MYO10: variants seen among roughly 807,000 people sequenced by gnomAD.
The protein encoded by MYO10 is unconventional myosin-X.
Under a neutral mutation model 257.3 loss-of-function variants are expected in MYO10, and 133 were observed. The observed-to-expected ratio is 0.52, with a 90% CI of 0.45 to 0.60. The LOEUF (loss-of-function observed/expected upper bound fraction) is 0.60, where lower values mean the gene tolerates loss of function less well. MYO10 is among the 20% of genes least tolerant of loss of function. MYO10 has a pLI of 0.00. For missense variants in MYO10, 2,399 were observed against 2,635.7 expected (o/e 0.91, Z 1.97); for synonymous variants, 1,104 against 1,028.6 (o/e 1.07, Z -1.40).
intron 1 of MYO10, among the ~76,000 whole-genome samples, chr5:16,935,415 C>A (rs1746407214): frequency 6.6e-6 from 1 of 152,128 alleles, no homozygotes; most frequent in Non-Finnish European, 1.5e-5. Flanking sequence ...AAGGCAGGTC[C>A]CCGCTGAACA....
At chr5:16,708,075 C>T (rs538284257) in intron 21 of MYO10, among the ~76,000 whole-genome samples, 3 of 152,212 alleles carry the variant, frequency 2.0e-5, no homozygotes, top group Non-Finnish European at 4.4e-5. Flanking sequence ...AAGATCAAAG[C>T]TATCAAGAAG....
intron 2 of MYO10, among the ~76,000 whole-genome samples, chr5:16,841,862 G>A (rs1353756002): frequency 1.3e-5 from 2 of 152,072 alleles, no homozygotes; most frequent in Non-Finnish European, 1.5e-5. Context: ...TGGAGGGCTC[G>A]AGGGCTTGGA....
intron 19 of MYO10, among the ~76,000 whole-genome samples, chr5:16,748,048 C>A (rs6873084): frequency 0.17 from 26,037 of 150,984 alleles, 2,903 homozygotes; most frequent in African/African-American, 0.31. Context: ...CATTATCATC[C>A]GAACTTTTTA....
chr5:16,699,988 T>C (rs1208611852), intron 25 of MYO10, among the ~76,000 whole-genome samples: 4 of 152,180 alleles, frequency 2.6e-5, no homozygotes, highest in Admixed American at 2.6e-4. Flanking sequence ...CAATGCTTTT[T>C]AAGGCTATAA....
intron 35 of MYO10, among the ~76,000 whole-genome samples, chr5:16,674,490 A>G (rs551409467): frequency 6.6e-6 from 1 of 151,768 alleles, no homozygotes; most frequent in South Asian, 2.1e-4. Flanking sequence ...AAGAAAAGAC[A>G]CTTCTTTTTC....
At chr5:16,685,061 G>C (rs904579249) in intron 29 of MYO10, among the ~76,000 whole-genome samples, 10 of 151,858 alleles carry the variant, frequency 6.6e-5, no homozygotes, top group Admixed American at 1.3e-4. Context: ...AAAAAAATAA[G>C]AATACAATTT....
chr5:16,877,562 A>ACAAAG (rs1236220308), intron 2 of MYO10, 47 bp downstream of exon 2: 3 of 1,496,724 alleles, frequency 2.0e-6, no homozygotes, highest in Non-Finnish European at 2.8e-6. Context: ...ACGAATAGCT[A>ACAAAG]CAAAGCAGAC....
At chr5:16,796,481 A>AG (rs1741975470) in intron 3 of MYO10, among the ~76,000 whole-genome samples, 1 of 96,062 alleles carries the variant, frequency 1.0e-5, no homozygotes, top group South Asian at 3.2e-4. Flanking sequence ...AAGAAAAGAA[A>AG]AGAAAGAAAG....
chr5:16,867,001 C>T (rs180795499), intron 2 of MYO10, among the ~76,000 whole-genome samples: 105 of 152,356 alleles, frequency 6.9e-4, no homozygotes, highest in African/African-American at 2.5e-3. Context: ...CTCCCTCGGG[C>T]TCCACATACA....
In MYO10 at chr5:16,777,724, G is replaced by A. The variant is rs185712141; in HGVS notation, c.930+1821C>T. On this transcript the variant is annotated intron_variant, in intron 9 of 40. Coordinates refer to ENST00000513610, the MANE Select transcript of MYO10 (RefSeq NM_012334.3). Reference sequence around the variant, plus strand: ...TCCTACCATCAGAGGGTTGATGAGAGTGATTGGAAAGTAAACTCCATGTGA... The same window carrying A: ...TCCTACCATCAGAGGGTTGATGAGAATGATTGGAAAGTAAACTCCATGTGA... Among the ~76,000 whole-genome samples, 18 of 151,514 alleles carry A rather than the reference G, an allele frequency of 1.2e-4. No homozygotes were observed. In the East Asian group the frequency reaches 3.5e-3, roughly 30 times the overall value.
At chr5:16,883,082 AT>A (rs1744803078) in intron 1 of MYO10, among the ~76,000 whole-genome samples, 1 of 151,472 alleles carries the variant, frequency 6.6e-6, no homozygotes, top group African/African-American at 2.4e-5. Flanking sequence ...CGCCTGGCTA[AT>A]TTTTTGTATT....
At chr5:16,928,281 A>G (rs2562367) in intron 1 of MYO10, among the ~76,000 whole-genome samples, 71,116 of 151,410 alleles carry the variant, frequency 0.47, 16,960 homozygotes, top group African/African-American at 0.53. Context: ...CGTAATCTTC[A>G]CCTCCCGGAT....
chr5:16,726,109 T>C (rs564457463), intron 19 of MYO10, among the ~76,000 whole-genome samples: 66 of 152,168 alleles, frequency 4.3e-4, no homozygotes, highest in Non-Finnish European at 9.0e-4. Context: ...TAACATTAAA[T>C]CCTTGCAGAT....
At chr5:16,892,062 C>G (rs1390285182) in intron 1 of MYO10, among the ~76,000 whole-genome samples, 1 of 152,100 alleles carries the variant, frequency 6.6e-6, no homozygotes, top group Admixed American at 6.5e-5. Context: ...ATCCTCAGCA[C>G]CTAGAACAGG....
chr5:16,771,403 T>C (rs1741044433), intron 9 of MYO10, among the ~76,000 whole-genome samples: 2 of 151,704 alleles, frequency 1.3e-5, no homozygotes, highest in African/African-American at 4.8e-5. Context: ...AGGTATATAA[T>C]ATGTATATAA....
intron 3 of MYO10, 83 bp from the exon 4 acceptor site, chr5:16,794,916 G>A (rs1368797269): frequency 1.1e-5 from 12 of 1,128,210 alleles, no homozygotes; most frequent in East Asian, 6.3e-5. Context: ...CCGAGTGTGC[G>A]CCAGGGGGAA....
At chr5:16,804,427 G>A (rs1742210377) in intron 3 of MYO10, among the ~76,000 whole-genome samples, 1 of 152,202 alleles carries the variant, frequency 6.6e-6, no homozygotes, top group Non-Finnish European at 1.5e-5. Flanking sequence ...AGTGGGGGAA[G>A]GGCTTCAGCT....
At position 16,670,885 on chromosome 5, in the gene MYO10, A is replaced by T. The variant is rs1736423434; in HGVS notation, c.5524T>A (p.Tyr1842Asn). 2 of 1,613,808 alleles carry T rather than the reference A, an allele frequency of 1.2e-6. No homozygotes were observed. The highest frequency in any genetic ancestry group is 2.2e-5 in the East Asian group (1 of 44,882). The change falls in exon 39 of 41, where the codon TAT (tyrosine) becomes AAT (asparagine). Residue 1842 changes from tyrosine to asparagine, a missense_variant. Coordinates refer to ENST00000513610, the MANE Select transcript of MYO10 (RefSeq NM_012334.3). ...GGTGGGATGGCAGCGTGCAGAGTATAATCCCCCTGCAGATACTGGAGTCGC... is the reference window on the plus strand; with the variant it reads ...GGTGGGATGGCAGCGTGCAGAGTATTATCCCCCTGCAGATACTGGAGTCGC... ...ALRLQYLQGD[Y>N]TLHAAIPPLE...
chr5:16,929,196 G>A (rs531370530), intron 1 of MYO10, among the ~76,000 whole-genome samples: 156 of 151,788 alleles, frequency 1.0e-3, no homozygotes, highest in African/African-American at 3.6e-3. Flanking sequence ...CTCGTGATCC[G>A]CCCACCTCGG....
Sources: allele counts gnomAD v4.1 joint callset (sites outside exome capture counted in the v4.1 genomes callset), GRCh38; gene constraint gnomAD v4.1.1; transcripts MANE v1.5; gene names NCBI Gene and HGNC (gene_info 2026-07-23, HGNC 2026-07-21).